The following KIF26B variants were observed in gnomAD, a reference collection of about 807,000 sequenced individuals.
The protein encoded by KIF26B is kinesin family member 26B, also known as kinesin-like protein KIF26B.
KIF26B carries 63 observed loss-of-function variants against 151.2 expected under a neutral mutation model. The observed-to-expected ratio is 0.42, with a 90% confidence interval of 0.34 to 0.51. The LOEUF is 0.51. Ranked by LOEUF, KIF26B falls within the 20% of genes least tolerant of loss-of-function variation. The probability of loss-of-function intolerance (pLI) is 0.07; values close to 1 mark genes in which losing one functional copy is unlikely to be tolerated. For missense variants in KIF26B, 2,813 were observed against 2,913.6 expected, an observed-to-expected ratio of 0.97 and a Z score of 0.79; for synonymous variants, 1,357 against 1,262.1, an observed-to-expected ratio of 1.08 and a Z score of -1.59.
intron 2 of KIF26B, among the ~76,000 whole-genome samples, chr1:245,331,014 A>G (rs1306684699): frequency 1.3e-5 from 2 of 152,032 alleles, no homozygotes; most frequent in African/African-American, 2.4e-5. Context: ...TGGAAAATGC[A>G]CACACGGTGA....
intron 3 of KIF26B, among the ~76,000 whole-genome samples, chr1:245,372,286 G>A (rs1034856168): frequency 4.6e-5 from 7 of 152,118 alleles, no homozygotes; most frequent in African/African-American, 7.2e-5. Context: ...TCCCATCTCC[G>A]CGCCCTATTT....
chr1:245,644,162 T>G (rs985117322), intron 9 of KIF26B, among the ~76,000 whole-genome samples: 1 of 152,300 alleles, frequency 6.6e-6, no homozygotes, highest in East Asian at 1.9e-4. Context: ...GCTCTTTTTT[T>G]TCTGTGTTTT....
chr1:245,279,224 T>A (rs1474483941), intron 2 of KIF26B, among the ~76,000 whole-genome samples: 1 of 152,044 alleles, frequency 6.6e-6, no homozygotes, highest in Non-Finnish European at 1.5e-5. Context: ...GGTCTTCTTA[T>A]CACTCCTTCT....
chr1:245,602,794 G>A lies in KIF26B; in HGVS notation c.1557+11G>A. The A allele has an allele frequency of 1.9e-6, 3 of 1,612,186 alleles. No individual in the cohort carries two copies. The highest frequency in any genetic ancestry group is 2.5e-6 in the Non-Finnish European group (3 of 1,179,280). On this transcript the variant is annotated intron_variant, in intron 6 of 14. Transcript: ENST00000407071. The surrounding 1 kb of genome is among the most constrained non-coding windows in gnomAD (Gnocchi z 4.5). The stretch of plus-strand genomic sequence containing the variant: ...CAAGACGCTTCTCAGGTGGGTATCA[G>A]CCCCCTCTCAGGCTCAGGCAACGTT...
At chr1:245,233,909 C>T (rs531194175) in intron 2 of KIF26B, among the ~76,000 whole-genome samples, 25 of 152,026 alleles carry the variant, frequency 1.6e-4, no homozygotes, top group Middle Eastern at 3.4e-3. Context: ...GGGCTGGGCG[C>T]GGTGGCTCAC....
At chr1:245,366,121 G>A (rs891507286) in intron 2 of KIF26B, among the ~76,000 whole-genome samples, 21 of 152,188 alleles carry the variant, frequency 1.4e-4, no homozygotes, top group African/African-American at 4.8e-4. Flanking sequence ...AGGGACCTCA[G>A]TGCAGTGGTC....
chr1:245,393,308 C>G (rs1380207150), intron 3 of KIF26B, among the ~76,000 whole-genome samples: 1 of 152,110 alleles, frequency 6.6e-6, no homozygotes, highest in African/African-American at 2.4e-5. Flanking sequence ...TTTGTTGTTA[C>G]TTTGTCTCTG....
intron 3 of KIF26B, among the ~76,000 whole-genome samples, chr1:245,403,347 C>T (rs1020225888): frequency 2.0e-5 from 3 of 152,192 alleles, no homozygotes; most frequent in East Asian, 3.8e-4. Flanking sequence ...TTTTCGGATG[C>T]GTTCCTTTAA....
intron 3 of KIF26B, among the ~76,000 whole-genome samples, chr1:245,410,784 A>G (rs985635525): frequency 2.2e-4 from 34 of 152,110 alleles, no homozygotes; most frequent in African/African-American, 8.0e-4. Flanking sequence ...AAAATTTACC[A>G]TCTTCACCAT....
Position 245,703,527 on chromosome 1 carries a change from C to CTCAAG in KIF26B, c.*924_*928dup, listed in dbSNP as rs908634600. 7.9e-5 allele frequency: 12 copies of CTCAAG among 152,334 alleles called. No homozygotes were observed. The highest frequency in any genetic ancestry group is 2.6e-4 in the African/African-American group (11 of 41,580). 9.4% of individuals were successfully genotyped at this position (152,334 alleles called of 1,614,324 possible). On this transcript the variant is annotated 3_prime_UTR_variant, in exon 15 of 15. Coordinates refer to ENST00000407071, the MANE Select transcript of KIF26B (RefSeq NM_018012.4). ...TATGTTCTGTAGACCGTTTGCCCCC[C>CTCAAG]TCAAGTCCTCCACACATGTGGTTCC... is the stretch of plus-strand genomic sequence containing the variant.
At chr1:245,434,462 C>T (rs530804645) in intron 4 of KIF26B, among the ~76,000 whole-genome samples, 1 of 152,326 alleles carries the variant, frequency 6.6e-6, no homozygotes, top group East Asian at 1.9e-4. Flanking sequence ...CTCCAAGTCC[C>T]TTGGGAATAC....
intron 4 of KIF26B, among the ~76,000 whole-genome samples, chr1:245,490,250 G>A (rs1222284606): frequency 6.6e-6 from 1 of 151,158 alleles, no homozygotes; most frequent in Non-Finnish European, 1.5e-5. Flanking sequence ...ATTCTTCTCA[G>A]ACTATCCACG....
chr1:245,454,294 A>G (rs1659463678), intron 4 of KIF26B, among the ~76,000 whole-genome samples: 1 of 152,090 alleles, frequency 6.6e-6, no homozygotes, highest in South Asian at 2.1e-4. Context: ...AGCACTTAAC[A>G]TTGCCTTCTT....
chr1:245,408,226 C>A lies in KIF26B; in HGVS notation c.1000-11353C>A, dbSNP rs547607264. On this transcript the variant is annotated intron_variant, in intron 3 of 14. Transcript: ENST00000407071. ...AAATCAATTACATCCAGATTCAGAC[C>A]ATTTGATTTTATTTTCATTTGATCA... is the stretch of plus-strand genomic sequence containing the variant. 9.1e-4 allele frequency among the ~76,000 whole-genome samples: 139 copies of A among 152,050 alleles called. 1 individual carries two copies. Among genetic ancestry groups the A allele is most frequent in the African/African-American group, 3.2e-3 (133 of 41,508 alleles).
At chr1:245,473,972 A>G (rs996568804) in intron 4 of KIF26B, among the ~76,000 whole-genome samples, 1 of 152,002 alleles carries the variant, frequency 6.6e-6, no homozygotes, top group Admixed American at 6.5e-5. Context: ...AATTGGTGTC[A>G]TTGGGATACC....
chr1:245,500,082 A>G (rs1274310858), intron 4 of KIF26B, among the ~76,000 whole-genome samples: 1 of 152,234 alleles, frequency 6.6e-6, no homozygotes, highest in Non-Finnish European at 1.5e-5. Context: ...GGAAGGTTTT[A>G]GGACTACTGT....
At chr1:245,197,379 A>G (rs1057075458) in intron 2 of KIF26B, among the ~76,000 whole-genome samples, 3 of 152,212 alleles carry the variant, frequency 2.0e-5, no homozygotes, top group African/African-American at 2.4e-5. Context: ...GAGGAGGGGC[A>G]GGGCAGGCTT....
chr1:245,162,375 C>CGT (rs1668545986), intron 2 of KIF26B, among the ~76,000 whole-genome samples: 5 of 76,494 alleles, frequency 6.5e-5, no homozygotes, highest in African/African-American at 2.6e-4. Flanking sequence ...TCAGAAATAT[C>CGT]TTTTTTTTTT....
chr1:245,302,927 T>G (rs1237610935), intron 2 of KIF26B, among the ~76,000 whole-genome samples: 1 of 127,114 alleles, frequency 7.9e-6, no homozygotes. Flanking sequence ...GGGCGGAGGT[T>G]GCAGTGAGCC....
Sources: gnomAD v4.1 joint callset for allele counts (sites outside exome capture counted in the v4.1 genomes callset) on GRCh38, gnomAD v4.1.1 for gene constraint, Gnocchi (gnomAD v3.1) non-coding constraint, MANE v1.5 for transcripts, NCBI Gene and HGNC (gene_info 2026-07-23, HGNC 2026-07-21) for gene names.